SLC4A4: variants seen among roughly 807,000 people sequenced by gnomAD.
The protein encoded by SLC4A4 is solute carrier family 4 member 4.
SLC4A4 carries 27 observed loss-of-function variants against 111.5 expected under a neutral mutation model. The ratio of observed to expected loss-of-function variants is 0.24; its 90% CI spans 0.18 to 0.33. The LOEUF (loss-of-function observed/expected upper bound fraction) is 0.33, where lower values mean the gene tolerates loss of function less well. Among genes scored for constraint, SLC4A4 ranks in the 10% least tolerant of loss-of-function variants. The pLI is 1.00. For synonymous variants in SLC4A4, 443 were observed against 463.4 expected (o/e 0.96, Z 0.57); for missense variants, 909 against 1,315.5 (o/e 0.69, Z 4.78).
intron 7 of SLC4A4, among the ~76,000 whole-genome samples, chr4:71,429,342 T>C (rs1427134912): frequency 6.6e-6 from 1 of 152,154 alleles, no homozygotes; most frequent in Non-Finnish European, 1.5e-5. Flanking sequence ...AACTGTCATC[T>C]CAGGTTAAGC....
chr4:71,376,916 C>T (rs1159217291), intron 6 of SLC4A4, among the ~76,000 whole-genome samples: 2 of 152,112 alleles, frequency 1.3e-5, no homozygotes, highest in East Asian at 1.9e-4. Flanking sequence ...GGATTACAGG[C>T]GTGAGCACCT....
intron 25 of SLC4A4, 121 bp downstream of exon 25, chr4:71,567,204 T>TAAAAAAAAAAAAAA: frequency 1.2e-6 from 1 of 819,436 alleles, no homozygotes; most frequent in Non-Finnish European, 1.9e-6. Flanking sequence ...TTATCTTAAA[T>TAAAAAAAAAAAAAA]AAATTACCCA....
intron 15 of SLC4A4, among the ~76,000 whole-genome samples, chr4:71,490,042 A>G (rs897808660): frequency 6.6e-6 from 1 of 151,820 alleles, no homozygotes; most frequent in African/African-American, 2.4e-5. Context: ...ATTTCCATTT[A>G]TTGTTGGAAT....
At chr4:71,120,739 G>A (rs757509690) in intron 2 of SLC4A4, among the ~76,000 whole-genome samples, 5 of 152,146 alleles carry the variant, frequency 3.3e-5, no homozygotes, top group Non-Finnish European at 1.5e-5. Flanking sequence ...GTGGTGGCGG[G>A]TGCCTGTAAT....
chr4:71,224,438 T>G (rs2149026209), intron 1 of SLC4A4, among the ~76,000 whole-genome samples: 1 of 152,354 alleles, frequency 6.6e-6, no homozygotes, highest in East Asian at 1.9e-4. Flanking sequence ...TCCTCCTGGG[T>G]TTGAATCCTG....
chr4:71,066,472 T>C (rs1741519798), intron 1 of SLC4A4, among the ~76,000 whole-genome samples: 2 of 152,140 alleles, frequency 1.3e-5, no homozygotes, highest in Non-Finnish European at 2.9e-5. Flanking sequence ...TTCTAAAGGA[T>C]TTAAAGGTGT....
intron 8 of SLC4A4, among the ~76,000 whole-genome samples, chr4:71,445,629 G>T (rs1463477638): frequency 2.0e-5 from 3 of 152,090 alleles, no homozygotes. Flanking sequence ...CACAGCATCT[G>T]CCCCTTTTCA....
chr4:71,227,187 G>C (rs1449172934), intron 1 of SLC4A4, among the ~76,000 whole-genome samples: 1 of 152,086 alleles, frequency 6.6e-6, no homozygotes, highest in East Asian at 1.9e-4. Context: ...ATCTTAAGTT[G>C]GGTTTTGAAG....
chr4:71,215,658 A>G (rs2149016435), intron 1 of SLC4A4, among the ~76,000 whole-genome samples: 1 of 152,316 alleles, frequency 6.6e-6, no homozygotes, highest in East Asian at 1.9e-4. Flanking sequence ...ACCTCAGGAC[A>G]TTAACTTTAT....
chr4:71,435,481 T>C (rs1724045932), intron 7 of SLC4A4, among the ~76,000 whole-genome samples: 1 of 152,184 alleles, frequency 6.6e-6, no homozygotes, highest in Non-Finnish European at 1.5e-5. Context: ...GGCATTACCA[T>C]TCAGTACATA....
rs189617122 is a variant in SLC4A4, at chr4:71,082,741, G to A, written c.-64-9989G>A. On this transcript the variant is annotated intron_variant, in intron 1 of 26. Coordinates refer to the SLC4A4 transcript ENST00000649996. ...CATTACAGATACAGTGACAGTGTGT[G>A]TATGTAACTCCCTGAGTCATCTATT... 5.6e-4 allele frequency among the ~76,000 whole-genome samples: 85 copies of A among 151,932 alleles called. 3 individuals are homozygous for A. The highest frequency in any genetic ancestry group is 2.0e-3 in the African/African-American group (84 of 41,322).
intron 1 of SLC4A4, among the ~76,000 whole-genome samples, chr4:71,229,089 A>G (rs1348593499): frequency 6.6e-6 from 1 of 152,176 alleles, no homozygotes; most frequent in Non-Finnish European, 1.5e-5. Flanking sequence ...CCTGGCAAAC[A>G]TGAATCTGTC....
At chr4:71,486,677 T>G (rs934852169) in intron 14 of SLC4A4, among the ~76,000 whole-genome samples, 3 of 150,980 alleles carry the variant, frequency 2.0e-5, no homozygotes, top group Admixed American at 6.6e-5. Flanking sequence ...TTTCTTTTTT[T>G]TTTGAAACCT....
chr4:71,488,422 C>G (rs1409247027), intron 15 of SLC4A4, among the ~76,000 whole-genome samples: 1 of 151,542 alleles, frequency 6.6e-6, no homozygotes, highest in Non-Finnish European at 1.5e-5. Flanking sequence ...TGATTGACTT[C>G]TAGTGTGACT....
At position 71,534,237 on chromosome 4, in the gene SLC4A4, C is replaced by A; in HGVS notation, c.2291C>A (p.Pro764Gln). 1 of 1,613,492 alleles carries A rather than the reference C, an allele frequency of 6.2e-7. No individual in the cohort carries two copies. Among genetic ancestry groups the A allele is most frequent in the Non-Finnish European group, 8.5e-7 (1 of 1,179,682 alleles). Residue 764 changes from proline to glutamine, a missense_variant, in exon 18 of 26, where the codon CCA becomes CAA. Pro to Gln is a moderately conservative substitution (Grantham distance 76). Transcript: ENST00000264485. ...TCTGTCTTTTTCAAGCCAACAAGTC[C>A]AAACCGAGGTTGGTTCGTTCCACCG... ...IVPSEFKPTS[P>Q]NRGWFVPPFG...
intron 3 of SLC4A4, among the ~76,000 whole-genome samples, chr4:71,318,820 GT>G (rs201579524): frequency 0.029 from 3,885 of 133,690 alleles, 60 homozygotes; most frequent in East Asian, 0.07. Flanking sequence ...GAAAAATTAA[GT>G]TTTTTTTTTT....
intron 24 of SLC4A4, among the ~76,000 whole-genome samples, chr4:71,565,009 AT>A (rs771186934): frequency 2.8e-3 from 399 of 144,836 alleles, no homozygotes; most frequent in Admixed American, 3.7e-3. Context: ...TCTGAAGACT[AT>A]TTTTTTTTTT....
At chr4:71,475,899 C>T (rs1490307547) in intron 14 of SLC4A4, among the ~76,000 whole-genome samples, 2 of 151,718 alleles carry the variant, frequency 1.3e-5, no homozygotes, top group Admixed American at 6.6e-5. Context: ...AGTATTTAGC[C>T]TTGAAGTGTA....
chr4:71,343,650 A>C (rs1729068274), intron 4 of SLC4A4, among the ~76,000 whole-genome samples: 1 of 152,150 alleles, frequency 6.6e-6, no homozygotes, highest in South Asian at 2.1e-4. Context: ...ATATTCAGAG[A>C]TTTCACTACA....
Sources: allele counts gnomAD v4.1 joint callset (sites outside exome capture counted in the v4.1 genomes callset), GRCh38; gene constraint gnomAD v4.1.1; transcripts MANE v1.5; gene names NCBI Gene and HGNC (gene_info 2026-07-23, HGNC 2026-07-21).